ACTG2: variants seen among roughly 807,000 people sequenced by gnomAD.
ACTG2 encodes the protein actin, gamma-enteric smooth muscle.
Under a neutral mutation model 37.6 loss-of-function variants are expected in ACTG2, and 16 were observed. The ratio of observed to expected loss-of-function variants is 0.43; its 90% confidence interval spans 0.29 to 0.65. The LOEUF (loss-of-function observed/expected upper bound fraction) is 0.65. ACTG2 is among the 30% of genes least tolerant of loss of function. The pLI, the probability that ACTG2 is intolerant of heterozygous loss-of-function variation, is 0.18. For missense variants in ACTG2, 238 were observed against 490.9 expected (o/e 0.48, Z 4.87); for synonymous variants, 181 against 179.9 (o/e 1.01, Z -0.05).
At chr2:73,893,177 G>C (rs1372008831) in intron 1 of ACTG2, 126 bp downstream of exon 1, 6 of 152,232 alleles carry the variant, frequency 3.9e-5, no homozygotes. Context: ...CAGAGCCCTT[G>C]GTGGGCAGCG....
chr2:73,900,094 G>C (rs1230078710), intron 1 of ACTG2, among the ~76,000 whole-genome samples: 1 of 152,164 alleles, frequency 6.6e-6, no homozygotes, highest in Non-Finnish European at 1.5e-5. Context: ...GGTTTTAGAA[G>C]TTCCCCTCTC....
At chr2:73,916,374 G>GAAA (rs56292295) in intron 7 of ACTG2, among the ~76,000 whole-genome samples, 1 of 127,106 alleles carries the variant, frequency 7.9e-6, no homozygotes. Flanking sequence ...CTCCATCTCA[G>GAAA]AAAAAAAAAA....
chr2:73,907,214 C>T (rs141665639), intron 3 of ACTG2, among the ~76,000 whole-genome samples: 131 of 152,248 alleles, frequency 8.6e-4, no homozygotes, highest in Middle Eastern at 3.4e-3. Context: ...GTCTCTCTCC[C>T]CTCTGGACTT....
In ACTG2 at chr2:73,898,591, A is replaced by G. The variant is rs61001939; in HGVS notation, c.-36-2685A>G. Among the ~76,000 whole-genome samples the G allele has an allele frequency of 4.7e-3, 714 of 151,098 alleles. 3 individuals are homozygous for G. The highest frequency in any genetic ancestry group is 0.016 in the African/African-American group (658 of 40,702). Reference sequence around the variant, plus strand: ...TTTTCAAATTCCCTTTCAGAAAAGTAGTACAATTTAACACTCACAAGCAGT... The same window carrying G: ...TTTTCAAATTCCCTTTCAGAAAAGTGGTACAATTTAACACTCACAAGCAGT... On this transcript the variant is annotated intron_variant, in intron 1 of 8. Transcript: ENST00000345517.
chr2:73,899,105 C>T (rs571469747), intron 1 of ACTG2, among the ~76,000 whole-genome samples: 160 of 152,174 alleles, frequency 1.1e-3, no homozygotes, highest in African/African-American at 3.3e-3. Flanking sequence ...CCACCGCGCC[C>T]GGCCACAAGA....
At chr2:73,919,268 G>A (rs1309386248) in intron 8 of ACTG2, among the ~76,000 whole-genome samples, 164 bp from the exon 9 acceptor site, 1 of 152,244 alleles carries the variant, frequency 6.6e-6, no homozygotes, top group East Asian at 1.9e-4. Flanking sequence ...AATAAGGGAA[G>A]AGGGGGGAAG....
Position 73,902,485 on chromosome 2 carries a change from G to A in ACTG2, c.252G>A (p.Glu84=). Residue 84 remains glutamate (E), a synonymous_variant, in exon 3 of 9, where the codon GAG becomes GAA. Transcript: ENST00000345517. ...HGIITNWDDM[E]KIWHHSFYNE... is the part of the protein sequence containing the mutation. ...TCATCACCAACTGGGATGACATGGA[G>A]AAGGTATCTGTAGACTTCCCCTTAA... 6.2e-7 allele frequency: 1 copy of A among 1,614,114 alleles called. No individual in the cohort carries two copies.
chr2:73,894,919 G>T (rs905542760), intron 1 of ACTG2, among the ~76,000 whole-genome samples: 2 of 152,208 alleles, frequency 1.3e-5, no homozygotes, highest in African/African-American at 4.8e-5. Flanking sequence ...TTAATCTGGA[G>T]GGTATCTGTT....
intron 5 of ACTG2, among the ~76,000 whole-genome samples, chr2:73,909,704 A>G (rs1680088623): frequency 6.6e-6 from 1 of 152,260 alleles, no homozygotes; most frequent in South Asian, 2.1e-4. Flanking sequence ...ATAGCTAAAC[A>G]TATTGAAACA....
intron 8 of ACTG2, among the ~76,000 whole-genome samples, chr2:73,918,268 G>T (rs149577221): frequency 6.6e-6 from 1 of 152,120 alleles, no homozygotes; most frequent in Non-Finnish European, 1.5e-5. Context: ...ACAGATTTGG[G>T]GTGGGGGTAG....
chr2:73,908,424 G>C, intron 3 of ACTG2: 1 of 582,968 alleles, frequency 1.7e-6, no homozygotes, highest in South Asian at 1.5e-5. Context: ...GAAGAGGAGG[G>C]AAGGTCAAAT....
At chr2:73,915,388 T>G (rs4852990) in intron 7 of ACTG2, among the ~76,000 whole-genome samples, 35,495 of 151,454 alleles carry the variant, frequency 0.23, 4,385 homozygotes, top group Middle Eastern at 0.28. Context: ...GGCATGGTGG[T>G]GCATGCCCAT....
intron 8 of ACTG2, among the ~76,000 whole-genome samples, chr2:73,919,199 G>A (rs1253196044): frequency 6.6e-6 from 1 of 152,120 alleles, no homozygotes; most frequent in Non-Finnish European, 1.5e-5. Context: ...ATATCCCATT[G>A]GTCAAAGCAA....
intron 3 of ACTG2, 123 bp downstream of exon 3, chr2:73,902,611 C>A (rs766635834): frequency 4.5e-6 from 7 of 1,554,454 alleles, no homozygotes; most frequent in Non-Finnish European, 6.1e-6. Flanking sequence ...TTCTGTCTTT[C>A]CTTTCTTTTC....
chr2:73,906,142 A>G (rs1680009858), intron 3 of ACTG2, among the ~76,000 whole-genome samples: 1 of 152,078 alleles, frequency 6.6e-6, no homozygotes, highest in South Asian at 2.1e-4. Context: ...GACATAGGGG[A>G]GATTTTTATT....
chr2:73,908,510 C>T (rs188562436), intron 3 of ACTG2, 163 bp from the exon 4 acceptor site: 1 of 645,712 alleles, frequency 1.5e-6, no homozygotes. Context: ...AGGAGTATAC[C>T]CTTTAAATGT....
chr2:73,902,055 G>GTC (rs1364053717), intron 2 of ACTG2, among the ~76,000 whole-genome samples: 2 of 150,012 alleles, frequency 1.3e-5, no homozygotes, highest in Admixed American at 6.6e-5. Flanking sequence ...GTGTGTGTGT[G>GTC]TGTGTGTCTG....
chr2:73,916,845 C>G, intron 8 of ACTG2, 80 bp downstream of exon 8: 2 of 1,499,986 alleles, frequency 1.3e-6, no homozygotes, highest in Non-Finnish European at 9.0e-7. Flanking sequence ...AGGCAGACTG[C>G]CAGACCTGAT....
At chr2:73,908,831 A>G in intron 4 of ACTG2, 48 bp downstream of exon 4, 1 of 1,485,498 alleles carries the variant, frequency 6.7e-7, no homozygotes, top group Non-Finnish European at 9.4e-7. Context: ...TGCAACATGG[A>G]TGCTTGGCCA....
Sources: gnomAD v4.1 joint callset for allele counts (sites outside exome capture counted in the v4.1 genomes callset) on GRCh38, gnomAD v4.1.1 for gene constraint, MANE v1.5 for transcripts, NCBI Gene and HGNC (gene_info 2026-07-23, HGNC 2026-07-21) for gene names.